The following ERCC6 variants were observed in gnomAD, a reference collection of about 807,000 sequenced individuals.
ERCC6 encodes the protein DNA excision repair protein ERCC-6.
Under a neutral mutation model 158.7 loss-of-function variants are expected in ERCC6, and 116 were observed. The observed-to-expected ratio is 0.73, with a 90% CI of 0.63 to 0.85. The LOEUF (loss-of-function observed/expected upper bound fraction) is 0.85. Ranked by LOEUF, ERCC6 falls within the 40% of genes least tolerant of loss-of-function variation. The pLI is 0.00. For synonymous variants in ERCC6, 678 were observed against 659.3 expected, an observed-to-expected ratio of 1.03 and a Z score of -0.43; for missense variants, 1,698 against 1,799.4, an observed-to-expected ratio of 0.94 and a Z score of 1.02.
chr10:49,480,707 T>C (rs1280824063), intron 10 of ERCC6, among the ~76,000 whole-genome samples: 23 of 152,330 alleles, frequency 1.5e-4, no homozygotes, highest in Non-Finnish European at 1.5e-5. Context: ...AGAGTTAACA[T>C]CACCCATAGT....
chr10:49,491,724 C>T (rs1269041889), intron 8 of ERCC6, among the ~76,000 whole-genome samples: 1 of 152,182 alleles, frequency 6.6e-6, no homozygotes, highest in East Asian at 1.9e-4. Context: ...GTGTCCAATA[C>T]ACACACTTTA....
chr10:49,512,167 A>C (rs1023221498), intron 5 of ERCC6, among the ~76,000 whole-genome samples: 6 of 152,216 alleles, frequency 3.9e-5, no homozygotes, highest in African/African-American at 2.4e-5. Flanking sequence ...CAAGCATAGC[A>C]GACTGTCATG....
intron 18 of ERCC6, among the ~76,000 whole-genome samples, chr10:49,462,161 G>T (rs1465456379): frequency 6.6e-6 from 1 of 152,210 alleles, no homozygotes; most frequent in South Asian, 2.1e-4. Flanking sequence ...ACAGTTTGGT[G>T]CTGAGGAAAG....
chr10:49,524,023 A>C lies in ERCC6; in HGVS notation c.1397+10T>G, dbSNP rs1381577518. The C allele has an allele frequency of 1.2e-6, 2 of 1,612,712 alleles. No individual in the cohort carries two copies. The highest frequency in any genetic ancestry group is 2.2e-5 in the East Asian group (1 of 44,894). Reference sequence around the variant, plus strand: ...ACAGTACAATGTATTTATAATCCCCACAGACCGACCTTAACCGCTGCTTAT... The same window carrying C: ...ACAGTACAATGTATTTATAATCCCCCCAGACCGACCTTAACCGCTGCTTAT... On this transcript the variant is annotated intron_variant, in intron 5 of 20. Transcript: ENST00000355832.
intron 5 of ERCC6, chr10:49,515,141 T>C: frequency 7.8e-7 from 1 of 1,278,020 alleles, no homozygotes; most frequent in Admixed American, 3.7e-5. Flanking sequence ...GTTACAATTT[T>C]TTGAATTTTT....
In ERCC6 at chr10:49,500,472, C is replaced by A. The variant is rs1851337467; in HGVS notation, c.1685+66G>T. 6 of 1,523,704 alleles carry A rather than the reference C, an allele frequency of 3.9e-6. No individual in the cohort carries two copies. The Admixed American group carries it at 5.0e-5, about 13-fold the overall frequency. 94.4% of individuals were successfully genotyped at this position (1,523,704 alleles called of 1,614,324 possible). The stretch of plus-strand genomic sequence containing the variant: ...CAATAATTCACAAGACCCTCCTCCA[C>A]AGCAATACATCTGATGAAATATTAA... On this transcript the variant is annotated intron_variant, in intron 7 of 20. Transcript: ENST00000355832.
upstream of ERCC6, among the ~76,000 whole-genome samples, chr10:49,539,191 C>T (rs1197093588): frequency 6.6e-6 from 1 of 152,264 alleles, no homozygotes; most frequent in African/African-American, 2.4e-5. Flanking sequence ...ACGGGCTCAG[C>T]AGCGCCTTTC....
chr10:49,459,018 G>C lies in ERCC6; in HGVS notation c.4279C>G (p.Leu1427Val). The C allele has an allele frequency of 6.2e-7, 1 of 1,614,222 alleles. No individual in the cohort carries two copies. The highest frequency in any genetic ancestry group is 8.5e-7 in the Non-Finnish European group (1 of 1,180,044). The change falls in exon 21 of 21, where the codon CTT becomes GTT. Residue 1427 changes from leucine to valine, a missense_variant. Transcript: ENST00000355832. ...ALLPTTEHDD[L>V]LVEMRNFIAF... ...ATGAAGTTTCTCATCTCCACCAGAA[G>C]GTCATCGTGTTCTGTGGTGGGCAGC...
intron 7 of ERCC6, among the ~76,000 whole-genome samples, chr10:49,494,344 G>A (rs1297838389): frequency 6.6e-6 from 1 of 152,116 alleles, no homozygotes; most frequent in Non-Finnish European, 1.5e-5. Flanking sequence ...AATACTATAA[G>A]ATTCTGTTAA....
At chr10:49,519,931 G>A (rs1450802621) in intron 5 of ERCC6, among the ~76,000 whole-genome samples, 3 of 152,044 alleles carry the variant, frequency 2.0e-5, no homozygotes, top group Non-Finnish European at 4.4e-5. Flanking sequence ...CTGAGCCCAG[G>A]CCCCTACCCT....
intron 5 of ERCC6, among the ~76,000 whole-genome samples, chr10:49,510,760 C>A (rs755440710): frequency 6.6e-6 from 1 of 152,132 alleles, no homozygotes; most frequent in Non-Finnish European, 1.5e-5. Context: ...AAAAGGAAGA[C>A]ACAGACAGAG....
chr10:49,500,859 A>G, intron 6 of ERCC6, 163 bp from the exon 7 acceptor site: 2 of 732,474 alleles, frequency 2.7e-6, no homozygotes, highest in Non-Finnish European at 2.2e-6. Flanking sequence ...TTATAAGGTC[A>G]TACATTTTTG....
At chr10:49,486,261 G>T (rs909927343) in intron 8 of ERCC6, among the ~76,000 whole-genome samples, 3 of 152,078 alleles carry the variant, frequency 2.0e-5, no homozygotes, top group African/African-American at 7.2e-5. Context: ...TTACAAAGAG[G>T]ATGCAAAGGA....
intron 6 of ERCC6, chr10:49,505,531 T>G: frequency 5.2e-6 from 1 of 191,756 alleles, no homozygotes. Context: ...TATGCAACTC[T>G]TCCTATTAAT....
chr10:49,485,917 G>A (rs1851068977), intron 8 of ERCC6, among the ~76,000 whole-genome samples: 1 of 152,190 alleles, frequency 6.6e-6, no homozygotes, highest in African/African-American at 2.4e-5. Flanking sequence ...CAAAAACCTA[G>A]CCTTCTGTTT....
At position 49,487,301 on chromosome 10, in the gene ERCC6, T is replaced by A. The variant is rs1483047497; in HGVS notation, c.1822-3785A>T. On this transcript the variant is annotated intron_variant, in intron 8 of 20. Coordinates refer to ENST00000355832, the MANE Select transcript of ERCC6 (RefSeq NM_000124.4). ...GGACCTATTAATAATTTGACAGGTG[T>A]GTGCCATACTTTTATTACTATTATG... Among the ~76,000 whole-genome samples, 3 of 152,218 alleles carry A rather than the reference T, an allele frequency of 2.0e-5. No individual in the cohort carries two copies. The East Asian group carries it at 5.8e-4, about 29-fold the overall frequency.
In ERCC6 at chr10:49,500,768, A is replaced by T. The variant is rs560198467; in HGVS notation, c.1527-72T>A. The stretch of plus-strand genomic sequence containing the variant: ...GATAATACAGATCATAACAGAAAGT[A>T]CTCATGAATTAATCATTTGGCTAGG... On this transcript the variant is annotated intron_variant, in intron 6 of 20. Coordinates refer to ENST00000355832, the MANE Select transcript of ERCC6 (RefSeq NM_000124.4). 5 of 1,525,874 alleles carry T rather than the reference A, an allele frequency of 3.3e-6. No individual in the cohort carries two copies. The South Asian group carries it at 5.6e-5, about 17-fold the overall frequency. The allele number at this position is 1,525,874 out of a possible 1,614,324, so 94.5% of individuals were successfully genotyped here. A position where few individuals can be genotyped will look rare whatever the true frequency, so the allele number is the denominator to read the frequency against.
At chr10:49,437,784 C>G in the ERCC6 span, among the ~76,000 whole-genome samples, 1 of 151,992 alleles carries the variant, frequency 6.6e-6, no homozygotes. Context: ...ATAAGAGAGA[C>G]AAACCTCCAG....
At chr10:49,524,884 A>AT (rs1837275207) in intron 4 of ERCC6, 107 bp from the exon 5 acceptor site, 2 of 1,541,622 alleles carry the variant, frequency 1.3e-6, no homozygotes, top group East Asian at 4.8e-5. Context: ...AATAACTCAT[A>AT]TAAAAAAAGA....
Sources: gnomAD v4.1 joint callset for allele counts (sites outside exome capture counted in the v4.1 genomes callset) on GRCh38, gnomAD v4.1.1 for gene constraint, MANE v1.5 for transcripts, NCBI Gene and HGNC (gene_info 2026-07-23, HGNC 2026-07-21) for gene names.